PRKAR1B: variants seen among roughly 807,000 people sequenced by gnomAD.
PRKAR1B encodes cAMP-dependent protein kinase type I-beta regulatory subunit.
In PRKAR1B, 22 loss-of-function variants were observed where a neutral mutation model predicts 46.5. The observed-to-expected ratio is 0.47, with a 90% CI of 0.34 to 0.68. The LOEUF is 0.68. Among genes scored for constraint, PRKAR1B ranks in the 30% least tolerant of loss-of-function variants. The pLI is 0.01. For missense variants in PRKAR1B, 445 were observed against 535.6 expected (o/e 0.83, Z 1.67); for synonymous variants, 259 against 217.7 (o/e 1.19, Z -1.67).
chr7:628,695 G>C lies in PRKAR1B; in HGVS notation c.441-21243C>G, dbSNP rs564733157. On this transcript the variant is annotated intron_variant, in intron 4 of 10. Transcript: ENST00000537384. ...CACTCTGCAGACCTCAATGTCTCAG[G>C]TGCACTGCAGGGCAACCCCGCCTAC... Among the ~76,000 whole-genome samples the C allele has an allele frequency of 2.8e-3, 431 of 152,304 alleles. 2 individuals carry two copies. Among genetic ancestry groups the C allele is most frequent in the African/African-American group, 9.8e-3 (406 of 41,574 alleles).
chr7:596,360 G>T, intron 6 of PRKAR1B, 56 bp from the exon 7 acceptor site: 6 of 1,560,308 alleles, frequency 3.8e-6, no homozygotes, highest in Non-Finnish European at 4.4e-6. Flanking sequence ...GACCTCCTCT[G>T]CATCCCATAC....
intron 2 of PRKAR1B, among the ~76,000 whole-genome samples, chr7:701,903 G>A (rs1258123806): frequency 1.3e-5 from 2 of 152,160 alleles, no homozygotes; most frequent in Non-Finnish European, 2.9e-5. Context: ...TGATCACAGA[G>A]GGAAAGAAAA....
intron 4 of PRKAR1B, among the ~76,000 whole-genome samples, chr7:634,994 C>A (rs951292898): frequency 6.6e-6 from 1 of 152,088 alleles, no homozygotes; most frequent in Non-Finnish European, 1.5e-5. Context: ...TAACAGTATG[C>A]GAATGTAGAA....
At chr7:618,521 G>A (rs1782952321) in intron 4 of PRKAR1B, among the ~76,000 whole-genome samples, 1 of 152,184 alleles carries the variant, frequency 6.6e-6, no homozygotes, top group Non-Finnish European at 1.5e-5. Context: ...GTATCCTGCT[G>A]CAGATTTCAT....
At chr7:617,827 C>T (rs959535936) in intron 4 of PRKAR1B, among the ~76,000 whole-genome samples, 3 of 152,190 alleles carry the variant, frequency 2.0e-5, no homozygotes, top group East Asian at 1.9e-4. Context: ...TCCTGGGCCC[C>T]GCGTAGCACT....
At chr7:578,780 C>T (rs1386365182) in intron 9 of PRKAR1B, 1 of 224,216 alleles carries the variant, frequency 4.5e-6, no homozygotes, top group Non-Finnish European at 9.0e-6. Context: ...CTCCCGGGTT[C>T]AAGCGATTCT....
At chr7:650,597 C>T (rs908557743) in intron 4 of PRKAR1B, among the ~76,000 whole-genome samples, 5 of 152,238 alleles carry the variant, frequency 3.3e-5, no homozygotes, top group African/African-American at 4.8e-5. Flanking sequence ...CATTGCCACC[C>T]GAACAGCGTG....
intron 2 of PRKAR1B, among the ~76,000 whole-genome samples, chr7:705,842 C>T (rs1021798668): frequency 7.2e-5 from 11 of 152,270 alleles, no homozygotes; most frequent in East Asian, 5.8e-4. Flanking sequence ...CACTGACCAA[C>T]GTGCTGAAAC....
chr7:721,077 A>T (rs1456258480), intron 1 of PRKAR1B, among the ~76,000 whole-genome samples: 2 of 152,160 alleles, frequency 1.3e-5, no homozygotes, highest in African/African-American at 4.8e-5. Flanking sequence ...TACATATGCA[A>T]CCCATCGGTC....
intron 4 of PRKAR1B, among the ~76,000 whole-genome samples, chr7:650,352 C>A (rs1447274609): frequency 5.9e-5 from 9 of 152,176 alleles, no homozygotes; most frequent in African/African-American, 1.7e-4. Flanking sequence ...GCCCCCAGAG[C>A]CACTGCCACC....
intron 9 of PRKAR1B, among the ~76,000 whole-genome samples, chr7:576,424 G>A (rs1338798882): frequency 1.3e-5 from 2 of 152,152 alleles, no homozygotes; most frequent in African/African-American, 4.8e-5. Context: ...CGGAAATACT[G>A]CCTGATAACG....
chr7:627,961 G>A (rs28415861), intron 4 of PRKAR1B, among the ~76,000 whole-genome samples: 1 of 152,090 alleles, frequency 6.6e-6, no homozygotes, highest in African/African-American at 2.4e-5. Flanking sequence ...GGTGAACATC[G>A]AATGGGTGGG....
chr7:563,668 T>C (rs2128427777), intron 9 of PRKAR1B, among the ~76,000 whole-genome samples: 1 of 152,250 alleles, frequency 6.6e-6, no homozygotes, highest in South Asian at 2.1e-4. Flanking sequence ...TGTGAGCATG[T>C]GTGCACGTGT....
At chr7:552,438 CCCA>C (rs1784298842) in intron 9 of PRKAR1B, among the ~76,000 whole-genome samples, 1 of 133,684 alleles carries the variant, frequency 7.5e-6, no homozygotes, top group East Asian at 2.4e-4. Context: ...CCACCTCCCA[CCCA>C]GGTCCTTCCC....
chr7:589,408 G>C (rs28663618), intron 7 of PRKAR1B, among the ~76,000 whole-genome samples: 84,533 of 151,376 alleles, frequency 0.56, 24,556 homozygotes, highest in East Asian at 0.84. Context: ...CCCAGCCCTC[G>C]TCCTCAGCAG....
At chr7:586,528 A>G (rs1440901868) in intron 7 of PRKAR1B, among the ~76,000 whole-genome samples, 1 of 152,220 alleles carries the variant, frequency 6.6e-6, no homozygotes, top group East Asian at 1.9e-4. Context: ...GGGGGAAGCC[A>G]CCACAGAAAT....
chr7:651,107 G>T (rs1784881075), intron 4 of PRKAR1B, among the ~76,000 whole-genome samples: 1 of 152,188 alleles, frequency 6.6e-6, no homozygotes, highest in Non-Finnish European at 1.5e-5. Context: ...GGAATTTGGG[G>T]GCTGCTCAAG....
chr7:723,747 G>A (rs1327721429), intron 1 of PRKAR1B, among the ~76,000 whole-genome samples: 1 of 152,142 alleles, frequency 6.6e-6, no homozygotes, highest in African/African-American at 2.4e-5. Context: ...TTTTAGGACA[G>A]AGGCCCCCAT....
intron 4 of PRKAR1B, among the ~76,000 whole-genome samples, chr7:632,085 G>A (rs938633102): frequency 6.6e-6 from 1 of 152,216 alleles, no homozygotes; most frequent in African/African-American, 2.4e-5. Context: ...GCTCACGTGT[G>A]AGCCAGCGTC....
Sources: allele counts gnomAD v4.1 joint callset (sites outside exome capture counted in the v4.1 genomes callset), GRCh38; gene constraint gnomAD v4.1.1; transcripts MANE v1.5; gene names NCBI Gene and HGNC (gene_info 2026-07-23, HGNC 2026-07-21).